The following ACBD4 variants were observed in gnomAD, a reference collection of about 807,000 sequenced individuals.
ACBD4 encodes acyl-CoA-binding domain-containing protein 4.
A neutral mutation model predicts 46.0 loss-of-function variants in ACBD4; 41 were observed. The observed-to-expected ratio is 0.89, with a 90% CI of 0.69 to 1.16. The LOEUF is 1.16. Ranked by LOEUF, ACBD4 falls within the 50% of genes most tolerant of loss-of-function variation. The pLI is 0.00. For synonymous variants in ACBD4, 162 were observed against 155.9 expected (o/e 1.04, Z -0.29); for missense variants, 393 against 399.5 (o/e 0.98, Z 0.14).
intron 4 of ACBD4, 100 bp from the exon 5 acceptor site, chr17:45,136,919 G>C: frequency 6.3e-7 from 1 of 1,594,474 alleles, no homozygotes; most frequent in Non-Finnish European, 8.6e-7. Flanking sequence ...GCCTATCTTT[G>C]GCCCCTGACT....
intron 9 of ACBD4, 98 bp from the exon 10 acceptor site, chr17:45,143,345 C>T: frequency 9.4e-7 from 1 of 1,068,550 alleles, no homozygotes; most frequent in Admixed American, 2.9e-5. Context: ...GACTTAGGGG[C>T]AGGGTCTTTC....
chr17:45,139,791 T>C (rs544573820), intron 9 of ACBD4, among the ~76,000 whole-genome samples: 1 of 152,374 alleles, frequency 6.6e-6, no homozygotes, highest in South Asian at 2.1e-4. Context: ...AGAGCCTCTC[T>C]GAGCTACTGT....
chr17:45,132,505 G>T, upstream of ACBD4: 1 of 771,628 alleles, frequency 1.3e-6, no homozygotes, highest in Non-Finnish European at 1.7e-6. This position sits in a 1 kb window ranked among gnomAD's most constrained non-coding sequence, Gnocchi z 4.6. Flanking sequence ...TGAGCGAGGC[G>T]GCGAGCGAAG....
chr17:45,143,512 C>G lies in ACBD4; in HGVS notation c.859C>G (p.Leu287Val). ...GLPGPALLFF[L>V]LWPFVVQWLF... is the part of the protein sequence containing the mutation. ...CCCGGGGCCCGCGCTGCTCTTCTTC[C>G]TCCTGTGGCCCTTCGTCGTCCAGTG... is the stretch of plus-strand genomic sequence containing the variant. The change falls in exon 10 of 10, where the codon CTC becomes GTC. Residue 287 changes from leucine to valine, a missense_variant. Around this residue, in one of 3 missense-constraint regions of ACBD4, gnomAD observed 308 missense variants for 301.8 expected, o/e 1.02. Transcript: ENST00000321854. 3.7e-6 allele frequency: 6 copies of G among 1,613,938 alleles called. No homozygotes were observed. The highest frequency in any genetic ancestry group is 5.1e-6 in the Non-Finnish European group (6 of 1,179,954).
At chr17:45,133,756 C>T (rs1300805086), upstream of ACBD4, among the ~76,000 whole-genome samples, 1 of 151,758 alleles carries the variant, frequency 6.6e-6, no homozygotes. Context: ...TGGTCTCGAT[C>T]TCCTGACCTC....
Position 45,136,503 on chromosome 17 carries a change from C to G in ACBD4, c.92C>G (p.Ser31Cys). ...GGCTTCCCAACTCTCTGCCCAGGTT[C>G]TTACCGCCCCTCCTATGAAGAGATG... ...SVIQNLPKNG[S>C]YRPSYEEMLR... Residue 31 changes from serine to cysteine, a missense_variant, in exon 3 of 10, where the codon TCT becomes TGT. By Grantham distance (112) the Ser-to-Cys change is moderately radical. Coordinates refer to ENST00000321854, the MANE Select transcript of ACBD4 (RefSeq NM_001135705.3). 1.2e-6 allele frequency: 2 copies of G among 1,612,522 alleles called. No homozygotes were observed. Among genetic ancestry groups the G allele is most frequent in the Non-Finnish European group, 1.7e-6 (2 of 1,179,140 alleles).
rs2054845107 is a variant in ACBD4, at chr17:45,136,507, C to T, written c.96C>T (p.Tyr32=). ...VIQNLPKNGS[Y]RPSYEEMLRF... is the part of the protein sequence containing the mutation. ...TCCCAACTCTCTGCCCAGGTTCTTA[C>T]CGCCCCTCCTATGAAGAGATGCTGC... Residue 32 remains tyrosine (Y), a synonymous_variant, in exon 3 of 10, where the codon TAC becomes TAT. Transcript: ENST00000321854. The T allele has an allele frequency of 6.2e-7, 1 of 1,612,670 alleles. No homozygotes were observed. The highest frequency in any genetic ancestry group is 1.7e-5 in the Admixed American group (1 of 59,914).
intron 2 of ACBD4, 128 bp downstream of exon 2, chr17:45,136,360 C>T: frequency 1.4e-6 from 2 of 1,461,826 alleles, no homozygotes; most frequent in South Asian, 2.4e-5. Flanking sequence ...CTGGGGGTTC[C>T]CTCCGCTTCC....
chr17:45,143,270 GT>G (rs1351185415), intron 9 of ACBD4, among the ~76,000 whole-genome samples, 172 bp from the exon 10 acceptor site: 5 of 152,232 alleles, frequency 3.3e-5, no homozygotes, highest in Admixed American at 6.5e-5. Context: ...GGAGGAAGAT[GT>G]GGGAGGGAGT....
intron 9 of ACBD4, among the ~76,000 whole-genome samples, chr17:45,142,389 CAAAAAAAAAAAAA>C (rs1161132274): frequency 3.1e-4 from 9 of 28,582 alleles, no homozygotes; most frequent in East Asian, 1.1e-3. Context: ...CAAGACTCCT[CAAAAAAAAAAAAA>C]AAAAAAAAAA....
chr17:45,141,844 C>A (rs1360766883), intron 9 of ACBD4, among the ~76,000 whole-genome samples: 1 of 152,080 alleles, frequency 6.6e-6, no homozygotes, highest in South Asian at 2.1e-4. Flanking sequence ...CTCCTGCAGT[C>A]GGAGAATATC....
chr17:45,141,556 G>A (rs2055274230), intron 9 of ACBD4, among the ~76,000 whole-genome samples: 1 of 152,130 alleles, frequency 6.6e-6, no homozygotes, highest in Non-Finnish European at 1.5e-5. Context: ...GCTGGGTGTG[G>A]ACTGAAGCAG....
chr17:45,132,185 G>C (rs2054467263), upstream of ACBD4: 4 of 1,228,350 alleles, frequency 3.3e-6, no homozygotes, highest in Non-Finnish European at 4.1e-6. The surrounding 1 kb of genome is among the most constrained non-coding windows in gnomAD (Gnocchi z 4.6). Flanking sequence ...TCCCTGGAGC[G>C]CCCCAGACTG....
rs1029822958 is a variant in ACBD4, at chr17:45,139,269, T to A, written c.789+109T>A. The A allele has an allele frequency of 2.6e-6, 3 of 1,133,242 alleles. No homozygotes were observed. The African/African-American group carries it at 4.6e-5, about 17-fold the overall frequency. 70.2% of individuals were successfully genotyped at this position (1,133,242 alleles called of 1,614,324 possible). A position where few individuals can be genotyped will look rare whatever the true frequency, so the allele number is the denominator to read the frequency against. On this transcript the variant is annotated intron_variant, in intron 9 of 9. Transcript: ENST00000321854. ...GTCCTCACGCCTCCACCTGCCCACATCTCTCTCCAGAGAATGGCATGGCTC... is the reference window on the plus strand; with the variant it reads ...GTCCTCACGCCTCCACCTGCCCACAACTCTCTCCAGAGAATGGCATGGCTC...
intron 9 of ACBD4, among the ~76,000 whole-genome samples, chr17:45,140,114 G>A (rs2055170938): frequency 6.6e-6 from 1 of 151,738 alleles, no homozygotes; most frequent in South Asian, 2.1e-4. Flanking sequence ...ATCCACGATG[G>A]CTAACTTTTC....
chr17:45,138,138 C>A, intron 8 of ACBD4, 150 bp downstream of exon 8: 1 of 835,110 alleles, frequency 1.2e-6, no homozygotes, highest in Non-Finnish European at 1.9e-6. Context: ...GGCTGCCAAC[C>A]AGCCAGATAC....
chr17:45,131,695 G>A (rs2054450994), upstream of ACBD4, among the ~76,000 whole-genome samples: 2 of 152,186 alleles, frequency 1.3e-5, no homozygotes, highest in Admixed American at 1.3e-4. Context: ...CCTTCTCCAC[G>A]ACTGACTTCC....
chr17:45,137,052 G>A lies in ACBD4; in HGVS notation c.328G>A (p.Glu110Lys). The A allele has an allele frequency of 1.9e-6, 3 of 1,614,136 alleles. No individual in the cohort carries two copies. The highest frequency in any genetic ancestry group is 1.3e-5 in the African/African-American group (1 of 75,036). ...IDTVPLGEVA[E>K]DMFGYFEPLY... ...CACAGTGCCCCTGGGTGAGGTGGCA[G>A]AGGACATGTTTGGTTACTTCGAGCC... is the stretch of plus-strand genomic sequence containing the variant. Residue 110 changes from glutamate to lysine, a missense_variant, in exon 5 of 10, where the codon GAG (glutamate) becomes AAG (lysine). Glu to Lys is a moderately conservative substitution (Grantham distance 56). This residue lies in a region of ACBD4 where 308 missense variants were observed against 301.8 expected (regional missense o/e 1.02). Coordinates refer to ENST00000321854, the MANE Select transcript of ACBD4 (RefSeq NM_001135705.3).
chr17:45,133,527 T>TC (rs1340560794), upstream of ACBD4, among the ~76,000 whole-genome samples: 1 of 119,432 alleles, frequency 8.4e-6, no homozygotes, highest in Non-Finnish European at 1.8e-5. Context: ...TTTCTTTTTT[T>TC]TTTTTTTTTT....
Sources: gnomAD v4.1 joint callset for allele counts (sites outside exome capture counted in the v4.1 genomes callset) on GRCh38, gnomAD v4.1.1 for gene constraint, gnomAD v4.1.1 regional missense constraint, Gnocchi (gnomAD v3.1) non-coding constraint, MANE v1.5 for transcripts, NCBI Gene and HGNC (gene_info 2026-07-23, HGNC 2026-07-21) for gene names.